The following SEMA5B variants were observed in gnomAD, a reference collection of about 807,000 sequenced individuals.
SEMA5B encodes the protein semaphorin 5B.
SEMA5B carries 66 observed loss-of-function variants against 135.0 expected under a neutral mutation model. The ratio of observed to expected loss-of-function variants is 0.49; its 90% CI spans 0.40 to 0.60. The LOEUF (loss-of-function observed/expected upper bound fraction) is 0.60, where lower values mean the gene tolerates loss of function less well. Ranked by LOEUF, SEMA5B falls within the 20% of genes least tolerant of loss-of-function variation. The pLI, the probability that SEMA5B is intolerant of heterozygous loss-of-function variation, is 0.00. For missense variants in SEMA5B, 1,501 were observed against 1,566.3 expected (o/e 0.96, Z 0.70); for synonymous variants, 690 against 639.5 (o/e 1.08, Z -1.19).
chr3:122,961,143 T>G lies in SEMA5B; in HGVS notation c.121A>C (p.Arg41=). The change falls in exon 2 of 23, where the codon AGG becomes CGG. Residue 41 remains arginine, a synonymous_variant. Transcript: ENST00000357599. ...ACACTCCCCTGGGCACACTTACCCC[T>G]GACCAGTGAGAGAAGCCAGCCCCCT... The part of the protein sequence containing the change: ...TVGGWLLSLV[R]GLLPCLPPGA... 1.2e-6 allele frequency: 2 copies of G among 1,611,186 alleles called. No homozygotes were observed. The highest frequency in any genetic ancestry group is 1.7e-6 in the Non-Finnish European group (2 of 1,178,308).
chr3:122,954,256 A>G (rs1176174285), intron 2 of SEMA5B, among the ~76,000 whole-genome samples: 1 of 152,172 alleles, frequency 6.6e-6, no homozygotes, highest in Admixed American at 6.5e-5. Context: ...TGAGCTGAGG[A>G]CAATCTGAAG....
Position 122,967,240 on chromosome 3 carries a change from C to T in SEMA5B, c.-38-5939G>A, listed in dbSNP as rs542455817. Among the ~76,000 whole-genome samples the T allele has an allele frequency of 1.2e-3, 176 of 152,242 alleles. 1 individual carries two copies. Among genetic ancestry groups the T allele is most frequent in the Admixed American group, 2.6e-3 (39 of 15,294 alleles). On this transcript the variant is annotated intron_variant, in intron 1 of 22. Transcript: ENST00000357599. ...ATGTGACAAATCTTGGAAGAATTAT[C>T]GCAGCAATTATTCACTTTTGAATGT...
In SEMA5B at chr3:122,926,579, G is replaced by T; in HGVS notation, c.949C>A (p.Arg317Ser). The change falls in exon 9 of 23, where the codon CGC becomes AGC. Residue 317 changes from arginine (R) to serine (S), a missense_variant. Arg to Ser is a moderately radical substitution (Grantham distance 110). Around this residue, in one of 2 missense-constraint regions of SEMA5B, gnomAD observed 574 missense variants for 684.7 expected, o/e 0.84. Transcript: ENST00000357599. ...EHDCGRTVYSRVARVCKNDVG... is the reference protein window; with the variant it reads ...EHDCGRTVYSSVARVCKNDVG... ...TCATTCTTGCACACGCGGGCCACGC[G>T]AGAGTACACGGTGCGTCCACAGTCG... 6.2e-7 allele frequency: 1 copy of T among 1,614,150 alleles called. No homozygotes were observed. Among genetic ancestry groups the T allele is most frequent in the African/African-American group, 1.3e-5 (1 of 75,030 alleles).
Position 122,913,382 on chromosome 3 carries a change from G to C in SEMA5B, c.2323C>G (p.Arg775Gly). The part of the protein sequence containing the change: ...CNPEGCPEVR[R>G]NTPWTPWLPV... The stretch of plus-strand genomic sequence containing the variant: ...AGCCACGGCGTCCAGGGGGTGTTGC[G>C]CCGCACTTCGGGGCAGCCCTCGGGG... The change falls in exon 17 of 23, where the codon CGC (arginine) becomes GGC (glycine). Residue 775 changes from arginine (R) to glycine (G), a missense_variant. Arg to Gly is a moderately radical substitution (Grantham distance 125). Around this residue, in one of 2 missense-constraint regions of SEMA5B, gnomAD observed 927 missense variants for 881.6 expected, o/e 1.05. Transcript: ENST00000357599. The C allele has an allele frequency of 6.3e-7, 1 of 1,579,708 alleles. No homozygotes were observed. The highest frequency in any genetic ancestry group is 8.6e-7 in the Non-Finnish European group (1 of 1,168,034).
At chr3:122,918,273 T>C (rs533908569) in intron 12 of SEMA5B, among the ~76,000 whole-genome samples, 1 of 152,344 alleles carries the variant, frequency 6.6e-6, no homozygotes, top group Admixed American at 6.5e-5. Flanking sequence ...GGCCTCTTGC[T>C]CCTTCTTCCA....
chr3:122,913,176 A>T, intron 17 of SEMA5B, 23 bp downstream of exon 17: 4 of 1,532,198 alleles, frequency 2.6e-6, no homozygotes, highest in Non-Finnish European at 3.5e-6. Context: ...GAGAGGAAGG[A>T]GGGGGCGCCG....
Position 122,921,952 on chromosome 3 carries a change from C to T in SEMA5B, c.1651G>A (p.Val551Ile), listed in dbSNP as rs1011486501. 5.2e-6 allele frequency: 8 copies of T among 1,535,712 alleles called. No homozygotes were observed. The highest frequency in any genetic ancestry group is 3.9e-5 in the Admixed American group (2 of 50,708). Reference protein sequence around the residue: ...FVGLRDGVLRVPLERCAAYRS... With the variant: ...FVGLRDGVLRIPLERCAAYRS... Reference sequence around the variant, plus strand: ...TAGGCGGCGCACCTCTCCAGTGGGACCCGCAGGACGCCGTCTCTCAGCCCC... The same window carrying T: ...TAGGCGGCGCACCTCTCCAGTGGGATCCGCAGGACGCCGTCTCTCAGCCCC... The change falls in exon 12 of 23, where the codon GTC (valine) becomes ATC (isoleucine). Residue 551 changes from valine (V) to isoleucine (I), a missense_variant. Transcript: ENST00000357599.
intron 9 of SEMA5B, among the ~76,000 whole-genome samples, chr3:122,925,827 C>A (rs966939272): frequency 6.6e-6 from 1 of 151,522 alleles, no homozygotes; most frequent in African/African-American, 2.4e-5. Flanking sequence ...AGGAAAGTCA[C>A]CTGTTTGGGT....
intron 1 of SEMA5B, among the ~76,000 whole-genome samples, chr3:122,970,906 C>T (rs144745346): frequency 6.0e-4 from 91 of 152,322 alleles, no homozygotes; most frequent in African/African-American, 2.1e-3. Context: ...GGGGGTTGAG[C>T]AGAATAGCCT....
At position 122,913,189 on chromosome 3, in the gene SEMA5B, C is replaced by T. The variant is rs1336683161; in HGVS notation, c.2506+10G>A. 6.4e-7 allele frequency: 1 copy of T among 1,551,606 alleles called. No individual in the cohort carries two copies. Among genetic ancestry groups the T allele is most frequent in the East Asian group, 2.4e-5 (1 of 41,590 alleles). On this transcript the variant is annotated intron_variant, in intron 17 of 22. Coordinates refer to ENST00000357599, the MANE Select transcript of SEMA5B (RefSeq NM_001031702.4). ...GAGAGAGGAAGGAGGGGGCGCCGGG[C>T]GCGGGGTACCGTCGGTGTCGCAGGA...
At position 122,979,195 on chromosome 3, in the gene SEMA5B, T is replaced by C. The variant is rs148164446; in HGVS notation, c.-38-17894A>G. On this transcript the variant is annotated intron_variant, in intron 1 of 22. Transcript: ENST00000357599. ...CTGAGAGAGGATGACCAGAGACACC[T>C]TCGCTCTCAGGACAAGACAAGGTGA... Among the ~76,000 whole-genome samples the C allele has an allele frequency of 2.6e-5, 4 of 152,268 alleles. No individual in the cohort carries two copies. In the East Asian group the frequency reaches 7.7e-4, roughly 29 times the overall value.
intron 8 of SEMA5B, 71 bp downstream of exon 8, chr3:122,927,719 G>T: frequency 1.7e-6 from 2 of 1,147,748 alleles, no homozygotes; most frequent in Non-Finnish European, 2.3e-6. Context: ...GAGGATGAAT[G>T]GGGGGCTCAG....
chr3:122,913,468 A>G (rs748335013), intron 16 of SEMA5B, 44 bp from the exon 17 acceptor site: 1 of 1,563,884 alleles, frequency 6.4e-7, no homozygotes, highest in Non-Finnish European at 8.6e-7. Flanking sequence ...CACGGCCTCC[A>G]GGCCCGCCCT....
intron 5 of SEMA5B, among the ~76,000 whole-genome samples, chr3:122,929,908 T>C (rs945832720): frequency 6.6e-6 from 1 of 152,136 alleles, no homozygotes; most frequent in Non-Finnish European, 1.5e-5. Flanking sequence ...CTGCCTCTAC[T>C]CTCTCTGAAC....
chr3:122,925,984 CAGA>C (rs1204513057), intron 9 of SEMA5B, among the ~76,000 whole-genome samples: 5 of 152,228 alleles, frequency 3.3e-5, no homozygotes, highest in Admixed American at 6.5e-5. Context: ...GCAGGGTTAC[CAGA>C]AGACTGCTGG....
intron 2 of SEMA5B, among the ~76,000 whole-genome samples, chr3:122,951,662 G>C (rs1940050094): frequency 1.3e-5 from 2 of 152,218 alleles, no homozygotes; most frequent in South Asian, 4.1e-4. Context: ...GGTTGAACTA[G>C]ATTAGGGATC....
At position 122,913,402 on chromosome 3, in the gene SEMA5B, T is replaced by C. The variant is rs910474629; in HGVS notation, c.2303A>G (p.Glu768Gly). 1 of 1,576,152 alleles carries C rather than the reference T, an allele frequency of 6.3e-7. No homozygotes were observed. Among genetic ancestry groups the C allele is most frequent in the Non-Finnish European group, 8.6e-7 (1 of 1,165,848 alleles). The change falls in exon 17 of 23, where the codon GAG becomes GGG. Residue 768 changes from glutamate (E) to glycine (G), a missense_variant. This residue lies in a region of SEMA5B where 927 missense variants were observed against 881.6 expected (regional missense o/e 1.05). Transcript: ENST00000357599. The part of the protein sequence containing the change: ...CGVEFKTCNP[E>G]GCPEVRRNTP... Reference sequence around the variant, plus strand: ...GTTGCGCCGCACTTCGGGGCAGCCCTCGGGGTTGCACGTCTTGAACTCCTG... The same window carrying C: ...GTTGCGCCGCACTTCGGGGCAGCCCCCGGGGTTGCACGTCTTGAACTCCTG...
intron 1 of SEMA5B, among the ~76,000 whole-genome samples, chr3:123,004,705 G>C (rs1169838270): frequency 6.6e-6 from 1 of 152,134 alleles, no homozygotes; most frequent in East Asian, 1.9e-4. Flanking sequence ...ATATGTTACG[G>C]CTGGCCTCCC....
chr3:122,926,484 G>A lies in SEMA5B; in HGVS notation c.1044C>T (p.Arg348=). 1 of 1,614,254 alleles carries A rather than the reference G, an allele frequency of 6.2e-7. No homozygotes were observed. Among genetic ancestry groups the A allele is most frequent in the Non-Finnish European group, 8.5e-7 (1 of 1,180,040 alleles). ...TATAGTAGAAGGGGACCTCGCCCGG[G>A]CGGGAGCAGTTGAGCCGGGCCTTCA... ...TFMKARLNCS[R]PGEVPFYYNE... is the part of the protein sequence containing the mutation. The change falls in exon 9 of 23, where the codon CGC becomes CGT. Residue 348 remains arginine, a synonymous_variant. Transcript: ENST00000357599.
Sources: allele counts gnomAD v4.1 joint callset (sites outside exome capture counted in the v4.1 genomes callset), GRCh38; gene constraint gnomAD v4.1.1; regional missense constraint gnomAD v4.1.1; transcripts MANE v1.5; gene names NCBI Gene and HGNC (gene_info 2026-07-23, HGNC 2026-07-21).